DTNB: variants seen among roughly 807,000 people sequenced by gnomAD.
DTNB encodes the protein DTN-B.
In DTNB, 63 loss-of-function variants were observed where a neutral mutation model predicts 90.7. The observed-to-expected ratio is 0.69, with a 90% confidence interval of 0.57 to 0.86. DTNB has a LOEUF of 0.86. Among genes scored for constraint, DTNB ranks in the 40% least tolerant of loss-of-function variants. DTNB has a pLI of 0.00. For synonymous variants in DTNB, 277 were observed against 286.7 expected, an observed-to-expected ratio of 0.97 and a Z score of 0.34; for missense variants, 744 against 807.1, an observed-to-expected ratio of 0.92 and a Z score of 0.95.
chr2:25,392,652 G>T (rs1199990282), intron 16 of DTNB, among the ~76,000 whole-genome samples: 1 of 152,062 alleles, frequency 6.6e-6, no homozygotes, highest in Non-Finnish European at 1.5e-5. Flanking sequence ...AGAGGAAATG[G>T]ATAAATTCCT....
intron 3 of DTNB, among the ~76,000 whole-genome samples, chr2:25,630,739 G>A (rs1053459451): frequency 6.6e-6 from 1 of 151,316 alleles, no homozygotes; most frequent in African/African-American, 2.4e-5. Flanking sequence ...AGCTACTCAG[G>A]AGGCTGAGGC....
intron 5 of DTNB, among the ~76,000 whole-genome samples, chr2:25,599,244 T>C (rs1573188610): frequency 1.3e-5 from 2 of 151,660 alleles, no homozygotes; most frequent in South Asian, 4.2e-4. Flanking sequence ...TATTTTAAGT[T>C]TCTAGTTTGG....
chr2:25,499,941 G>A, intron 9 of DTNB, among the ~76,000 whole-genome samples: 1 of 152,082 alleles, frequency 6.6e-6, no homozygotes, highest in East Asian at 1.9e-4. Context: ...TTTCACTCAG[G>A]CTGGAGTACG....
chr2:25,447,863 C>A (rs986930831), intron 12 of DTNB, among the ~76,000 whole-genome samples: 3 of 152,034 alleles, frequency 2.0e-5, no homozygotes, highest in Non-Finnish European at 4.4e-5. Flanking sequence ...AAGGGCCTAC[C>A]TTAATGTGAG....
At chr2:25,655,642 G>A (rs2081929966) in intron 1 of DTNB, among the ~76,000 whole-genome samples, 1 of 152,056 alleles carries the variant, frequency 6.6e-6, no homozygotes, top group Non-Finnish European at 1.5e-5. Context: ...CATTTAAGGT[G>A]GAAATAAATG....
intron 9 of DTNB, among the ~76,000 whole-genome samples, chr2:25,519,094 T>C (rs1466462467): frequency 6.6e-6 from 1 of 152,206 alleles, no homozygotes; most frequent in Admixed American, 6.5e-5. Context: ...CCAGGCACAG[T>C]GGCTCATGTC....
chr2:25,637,753 T>C (rs1271675283), intron 3 of DTNB, among the ~76,000 whole-genome samples: 1 of 152,236 alleles, frequency 6.6e-6, no homozygotes, highest in Non-Finnish European at 1.5e-5. Context: ...ACTTTTACGC[T>C]GCTGGTGGGA....
chr2:25,592,735 C>T (rs182578054), intron 6 of DTNB, among the ~76,000 whole-genome samples: 5 of 151,798 alleles, frequency 3.3e-5, no homozygotes, highest in African/African-American at 4.8e-5. Context: ...TGGAAAGGTG[C>T]GCAGAGTACA....
At chr2:25,662,878 C>T (rs1034666462) in intron 1 of DTNB, among the ~76,000 whole-genome samples, 1 of 152,014 alleles carries the variant, frequency 6.6e-6, no homozygotes, top group African/African-American at 2.4e-5. Context: ...TTTTGTGCTC[C>T]ATTTACTTAA....
chr2:25,580,103 T>A (rs1322002169), intron 7 of DTNB, among the ~76,000 whole-genome samples: 1 of 146,572 alleles, frequency 6.8e-6, no homozygotes, highest in Non-Finnish European at 1.5e-5. Flanking sequence ...TGCCTCAGCC[T>A]CCCAAGTAGC....
At chr2:25,552,632 G>A (rs958844904) in intron 8 of DTNB, among the ~76,000 whole-genome samples, 50 of 152,116 alleles carry the variant, frequency 3.3e-4, no homozygotes, top group African/African-American at 1.2e-3. Context: ...ACTTTTCACA[G>A]AGATTCTTCA....
chr2:25,622,473 T>C (rs1299184583), intron 4 of DTNB, among the ~76,000 whole-genome samples: 1 of 152,168 alleles, frequency 6.6e-6, no homozygotes. Context: ...GAAAAATAAA[T>C]AAATATATGT....
intron 1 of DTNB, among the ~76,000 whole-genome samples, chr2:25,653,935 C>A (rs917450418): frequency 1.3e-5 from 2 of 152,210 alleles, no homozygotes; most frequent in African/African-American, 4.8e-5. Flanking sequence ...CTCTTGATAA[C>A]TGCCTTCTGT....
At chr2:25,438,146 C>T (rs890174052) in intron 12 of DTNB, among the ~76,000 whole-genome samples, 11 of 151,930 alleles carry the variant, frequency 7.2e-5, no homozygotes, top group African/African-American at 1.9e-4. Flanking sequence ...TCAGTGCTGA[C>T]GGAGGGAAGG....
intron 12 of DTNB, among the ~76,000 whole-genome samples, chr2:25,439,990 T>C (rs764561758): frequency 8.5e-5 from 13 of 152,186 alleles, no homozygotes; most frequent in Admixed American, 2.6e-4. Flanking sequence ...TTAATAAAAT[T>C]CTAGAATCTT....
chr2:25,670,727 A>T (rs1331743718), intron 1 of DTNB, among the ~76,000 whole-genome samples: 1 of 152,250 alleles, frequency 6.6e-6, no homozygotes, highest in Non-Finnish European at 1.5e-5. Flanking sequence ...TAGGGAAGAT[A>T]GAGAATGGAC....
chr2:25,400,721 T>C (rs1369704), intron 16 of DTNB, among the ~76,000 whole-genome samples: 51,436 of 152,010 alleles, frequency 0.34, 9,296 homozygotes, highest in East Asian at 0.61. Context: ...GGAATCTTGT[T>C]GTAGTACAAG....
chr2:25,666,186 A>G (rs952779183), intron 1 of DTNB, among the ~76,000 whole-genome samples: 1 of 152,214 alleles, frequency 6.6e-6, no homozygotes, highest in East Asian at 1.9e-4. Context: ...TTTTTTGTTA[A>G]AAGTGAATTA....
Position 25,591,042 on chromosome 2 carries a change from C to T in DTNB, c.603+5044G>A, listed in dbSNP as rs546930143. Among the ~76,000 whole-genome samples, 7 of 152,326 alleles carry T rather than the reference C, an allele frequency of 4.6e-5. No homozygotes were observed. In the East Asian group the frequency reaches 5.8e-4, roughly 13 times the overall value. ...GGGGGCTGGCATGTCAGTGCTGCCC[C>T]GAGCGTGTGCACACCTGGCCAGGCT... On this transcript the variant is annotated intron_variant, in intron 6 of 20. Coordinates refer to ENST00000406818, the MANE Select transcript of DTNB (RefSeq NM_021907.5).
Sources: allele counts gnomAD v4.1 joint callset (sites outside exome capture counted in the v4.1 genomes callset), GRCh38; gene constraint gnomAD v4.1.1; transcripts MANE v1.5; gene names NCBI Gene and HGNC (gene_info 2026-07-23, HGNC 2026-07-21).